ANKRD44: variants seen among roughly 807,000 people sequenced by gnomAD.
ANKRD44 encodes serine/threonine-protein phosphatase 6 regulatory ankyrin repeat subunit B.
Under a neutral mutation model 116.0 loss-of-function variants are expected in ANKRD44, and 35 were observed. That is an observed-to-expected ratio of 0.30 (90% CI 0.23 to 0.40). The LOEUF (loss-of-function observed/expected upper bound fraction) is 0.40, where lower values mean the gene tolerates loss of function less well. ANKRD44 is among the 10% of genes least tolerant of loss of function. The probability of loss-of-function intolerance (pLI) is 1.00; values close to 1 mark genes in which losing one functional copy is unlikely to be tolerated. For missense variants in ANKRD44, 1,014 were observed against 1,242.6 expected, an observed-to-expected ratio of 0.82 and a Z score of 2.77; for synonymous variants, 435 against 461.8, an observed-to-expected ratio of 0.94 and a Z score of 0.74.
At chr2:197,048,162 T>C (rs7582411) in intron 16 of ANKRD44, among the ~76,000 whole-genome samples, 99,244 of 151,988 alleles carry the variant, frequency 0.65, 33,686 homozygotes, top group East Asian at 0.86. Flanking sequence ...ATTGTGTTTT[T>C]CTAAATAGAC....
intron 1 of ANKRD44, among the ~76,000 whole-genome samples, chr2:197,308,849 G>A: frequency 6.6e-6 from 1 of 152,214 alleles, no homozygotes; most frequent in East Asian, 1.9e-4. Flanking sequence ...CCAATGAGAT[G>A]ATGGAGCTAT....
chr2:197,008,880 G>T (rs1376728693), intron 19 of ANKRD44, 64 bp downstream of exon 19: 2 of 1,472,858 alleles, frequency 1.4e-6, no homozygotes, highest in Non-Finnish European at 9.5e-7. Flanking sequence ...AATGATTTAA[G>T]AAACCAACCA....
intron 9 of ANKRD44, among the ~76,000 whole-genome samples, chr2:197,102,489 A>G (rs948849728): frequency 6.6e-6 from 1 of 152,196 alleles, no homozygotes; most frequent in African/African-American, 2.4e-5. Flanking sequence ...AATATCTGCT[A>G]TCTGATGGGT....
intron 16 of ANKRD44, among the ~76,000 whole-genome samples, chr2:197,055,949 G>A (rs1180454726): frequency 6.6e-6 from 1 of 152,162 alleles, no homozygotes. Context: ...GAGTACAGGA[G>A]TGCTATCATA....
chr2:197,047,257 T>C (rs2077019750), intron 16 of ANKRD44, among the ~76,000 whole-genome samples: 1 of 152,132 alleles, frequency 6.6e-6, no homozygotes, highest in African/African-American at 2.4e-5. Flanking sequence ...TGACCTCAAG[T>C]GATCCACCCG....
intron 1 of ANKRD44, among the ~76,000 whole-genome samples, chr2:197,257,334 C>G (rs181233463): frequency 2.0e-5 from 3 of 151,086 alleles, no homozygotes; most frequent in African/African-American, 7.3e-5. Context: ...AAGAGGTATT[C>G]TTTAAAAAAC....
downstream of ANKRD44, among the ~76,000 whole-genome samples, chr2:196,983,817 G>C (rs1043268138): frequency 6.6e-6 from 1 of 152,148 alleles, no homozygotes; most frequent in Admixed American, 6.5e-5. Context: ...GCCATGTGAC[G>C]GTGGGCCAAG....
At chr2:197,173,902 A>T (rs2080300331) in intron 2 of ANKRD44, among the ~76,000 whole-genome samples, 1 of 152,240 alleles carries the variant, frequency 6.6e-6, no homozygotes, top group East Asian at 1.9e-4. Context: ...GCATGGTAGC[A>T]CATGTCTGTA....
chr2:197,066,384 C>G (rs2077434089), intron 16 of ANKRD44, among the ~76,000 whole-genome samples: 1 of 152,162 alleles, frequency 6.6e-6, no homozygotes, highest in Non-Finnish European at 1.5e-5. Context: ...TGGCACAAGA[C>G]AGGGATGCCC....
At chr2:197,122,938 C>A in intron 6 of ANKRD44, 146 bp from the exon 7 acceptor site, 2 of 910,742 alleles carry the variant, frequency 2.2e-6, no homozygotes, top group Non-Finnish European at 3.2e-6. Flanking sequence ...GGCAACTATT[C>A]AACAAATATT....
At chr2:197,043,707 G>T (rs1389756164) in intron 16 of ANKRD44, among the ~76,000 whole-genome samples, 1 of 151,946 alleles carries the variant, frequency 6.6e-6, no homozygotes, top group East Asian at 1.9e-4. Flanking sequence ...TGACACGGGG[G>T]AGACTAAACT....
At chr2:197,277,150 A>G (rs1446332127) in intron 1 of ANKRD44, among the ~76,000 whole-genome samples, 1 of 151,814 alleles carries the variant, frequency 6.6e-6, no homozygotes, top group Non-Finnish European at 1.5e-5. Flanking sequence ...GATGGTCTCA[A>G]TCTCCTGACC....
chr2:197,175,415 A>G (rs1475973561), intron 2 of ANKRD44, among the ~76,000 whole-genome samples: 1 of 152,204 alleles, frequency 6.6e-6, no homozygotes, highest in Non-Finnish European at 1.5e-5. Flanking sequence ...TCAGTAGGAG[A>G]AAAGGCATAT....
chr2:197,027,879 A>T (rs1293335661), intron 16 of ANKRD44, among the ~76,000 whole-genome samples: 1 of 151,804 alleles, frequency 6.6e-6, no homozygotes, highest in Non-Finnish European at 1.5e-5. Context: ...TGGTAGAGAC[A>T]GGATCTCACT....
At chr2:197,221,329 G>A (rs1200251443) in intron 1 of ANKRD44, among the ~76,000 whole-genome samples, 2 of 151,584 alleles carry the variant, frequency 1.3e-5, no homozygotes, top group Non-Finnish European at 2.9e-5. Context: ...CCAGGCTTGA[G>A]TGCAGTGGAG....
chr2:197,034,311 T>G (rs1574319318), intron 16 of ANKRD44, among the ~76,000 whole-genome samples: 1 of 152,092 alleles, frequency 6.6e-6, no homozygotes, highest in South Asian at 2.1e-4. Flanking sequence ...CATCAGAGAG[T>G]ACAATTTTAT....
intron 9 of ANKRD44, among the ~76,000 whole-genome samples, chr2:197,108,080 T>C (rs1417111710): frequency 1.3e-5 from 2 of 152,228 alleles, no homozygotes; most frequent in African/African-American, 4.8e-5. Flanking sequence ...AAGGAATTTT[T>C]TTAAAACACC....
At chr2:196,992,604 G>T (rs963130617) in intron 27 of ANKRD44, 1 of 152,684 alleles carries the variant, frequency 6.5e-6, no homozygotes, top group African/African-American at 2.4e-5. Context: ...GTGTTAAGAG[G>T]GTGAGGGAAG....
chr2:197,143,819 G>A (rs2079433510), intron 3 of ANKRD44, among the ~76,000 whole-genome samples: 1 of 152,020 alleles, frequency 6.6e-6, no homozygotes, highest in East Asian at 1.9e-4. Flanking sequence ...TAGTAGAGAT[G>A]GGTTTCATCA....
Sources: allele counts gnomAD v4.1 joint callset (sites outside exome capture counted in the v4.1 genomes callset), GRCh38; gene constraint gnomAD v4.1.1; transcripts MANE v1.5; gene names NCBI Gene and HGNC (gene_info 2026-07-23, HGNC 2026-07-21).